Variants in ZSCAN31 observed in about 807,000 individuals in gnomAD.
The protein encoded by ZSCAN31 is zinc finger and SCAN domain-containing protein 31.
Under a neutral mutation model 22.5 loss-of-function variants are expected in ZSCAN31, and 14 were observed. The ratio of observed to expected loss-of-function variants is 0.62; its 90% confidence interval spans 0.41 to 0.97. ZSCAN31 has a LOEUF of 0.97. ZSCAN31 is among the 50% of genes least tolerant of loss of function. The pLI, the probability that ZSCAN31 is intolerant of heterozygous loss-of-function variation, is 0.00. For synonymous variants in ZSCAN31, 168 were observed against 169.8 expected, an observed-to-expected ratio of 0.99 and a Z score of 0.08; for missense variants, 424 against 483.4, an observed-to-expected ratio of 0.88 and a Z score of 1.15.
intron 2 of ZSCAN31, among the ~76,000 whole-genome samples, chr6:28,346,342 C>CTTT (rs5875155): frequency 9.7e-4 from 85 of 87,768 alleles, no homozygotes; most frequent in Admixed American, 2.1e-3. Context: ...TCAGTACAAT[C>CTTT]TTTTTTTTTT....
intron 2 of ZSCAN31, 94 bp from the exon 3 acceptor site, chr6:28,327,627 A>C (rs1021027323): frequency 1.7e-5 from 24 of 1,380,214 alleles, no homozygotes; most frequent in Non-Finnish European, 2.1e-5. Flanking sequence ...TATATGAAAC[A>C]TTTTCTAGAG....
At chr6:28,339,263 C>A (rs1245939148), upstream of ZSCAN31, among the ~76,000 whole-genome samples, 1 of 151,970 alleles carries the variant, frequency 6.6e-6, no homozygotes, top group East Asian at 1.9e-4. Context: ...ATTTTATTAT[C>A]TTTATTTCTT....
chr6:28,337,103 G>A (rs1419557444), upstream of ZSCAN31, among the ~76,000 whole-genome samples: 1 of 152,214 alleles, frequency 6.6e-6, no homozygotes, highest in Non-Finnish European at 1.5e-5. Context: ...AATTCGTGGC[G>A]TGGAAGAGAG....
intron 2 of ZSCAN31, among the ~76,000 whole-genome samples, chr6:28,328,565 C>A (rs1249139798): frequency 6.6e-6 from 1 of 152,142 alleles, no homozygotes; most frequent in African/African-American, 2.4e-5. Flanking sequence ...TGCTGTTATC[C>A]TGTTCTTTTT....
chr6:28,352,781 C>G (rs1382406442), intron 2 of ZSCAN31, among the ~76,000 whole-genome samples: 1 of 152,042 alleles, frequency 6.6e-6, no homozygotes, highest in Admixed American at 6.6e-5. Context: ...GAAGTATTTT[C>G]TGGTACTTTT....
chr6:28,345,677 T>C (rs1460263039), intron 2 of ZSCAN31, among the ~76,000 whole-genome samples: 1 of 152,208 alleles, frequency 6.6e-6, no homozygotes, highest in Non-Finnish European at 1.5e-5. Context: ...ACAGAATCAT[T>C]GATCCACTGA....
At position 28,326,219 on chromosome 6, in the gene ZSCAN31, TACTAAAGAGTTTACTGC is replaced by T; in HGVS notation, c.1151_1167del (p.Cys384Ter). ...TGATGTTTCTTAAGAAGTGTCCGCT[TACTAAAGAGTTTACTGC>T]ACTGACTGCACTGATAGGGTTTCTC... On this transcript the variant is annotated frameshift_variant, in exon 4 of 4. Coordinates refer to ENST00000344279, the MANE Select transcript of ZSCAN31 (RefSeq NM_030899.5). LOFTEE classifies it low-confidence loss of function (END_TRUNC). 6.2e-7 allele frequency: 1 copy of T among 1,613,834 alleles called. No individual in the cohort carries two copies. Among genetic ancestry groups the T allele is most frequent in the Non-Finnish European group, 8.5e-7 (1 of 1,179,828 alleles).
At chr6:28,339,594 A>G (rs533431669), upstream of ZSCAN31, among the ~76,000 whole-genome samples, 2 of 152,302 alleles carry the variant, frequency 1.3e-5, no homozygotes, top group Admixed American at 1.3e-4. Context: ...AGCCTCCATT[A>G]ATTTTTAAAT....
chr6:28,327,833 A>G (rs137869006), intron 2 of ZSCAN31, among the ~76,000 whole-genome samples: 1 of 152,276 alleles, frequency 6.6e-6, no homozygotes, highest in African/African-American at 2.4e-5. Context: ...GAGATGGTAT[A>G]TAACTTCTGA....
At chr6:28,348,571 C>T (rs1349744574) in intron 2 of ZSCAN31, among the ~76,000 whole-genome samples, 1 of 152,088 alleles carries the variant, frequency 6.6e-6, no homozygotes. Flanking sequence ...GTTGCTCAGT[C>T]CTCAGTTCTG....
At chr6:28,330,467 G>A (rs1397732074) in intron 1 of ZSCAN31, among the ~76,000 whole-genome samples, 1 of 152,230 alleles carries the variant, frequency 6.6e-6, no homozygotes, top group East Asian at 1.9e-4. Context: ...TTAGGTAACT[G>A]TGGAATTACA....
intron 2 of ZSCAN31, among the ~76,000 whole-genome samples, chr6:28,328,579 A>T (rs1485874490): frequency 6.6e-6 from 1 of 152,178 alleles, no homozygotes; most frequent in Non-Finnish European, 1.5e-5. Context: ...TCTTTTTTCA[A>T]GGTGCCCACA....
chr6:28,352,464 G>A (rs2113889754), intron 2 of ZSCAN31, among the ~76,000 whole-genome samples: 1 of 152,174 alleles, frequency 6.6e-6, no homozygotes, highest in Non-Finnish European at 1.5e-5. Context: ...TATGGGCCAG[G>A]CTGTTCTTGA....
chr6:28,352,634 T>G (rs1022285458), intron 2 of ZSCAN31, among the ~76,000 whole-genome samples: 1 of 152,250 alleles, frequency 6.6e-6, no homozygotes, highest in Non-Finnish European at 1.5e-5. Context: ...TGAAAGCCTT[T>G]AATGTAATTT....
upstream of ZSCAN31, chr6:28,355,911 G>A (rs942607161): frequency 6.6e-6 from 1 of 152,186 alleles, no homozygotes; most frequent in African/African-American, 2.4e-5. Context: ...CATGATAGAC[G>A]GCACAGCTGC....
chr6:28,329,452 T>C lies in ZSCAN31; in HGVS notation c.232A>G (p.Ile78Val), dbSNP rs1763571261. The C allele has an allele frequency of 1.9e-6, 3 of 1,613,960 alleles. No individual in the cohort carries two copies. Among genetic ancestry groups the C allele is most frequent in the Non-Finnish European group, 2.5e-6 (3 of 1,180,028 alleles). ...LRPEIHTKEQ[I>V]LELLVLEQFL... ...TGCTCCAGCACCAGCAGCTCCAAGA[T>C]TTGCTCTTTGGTGTGGATTTCTGGC... Residue 78 changes from isoleucine (I) to valine (V), a missense_variant, in exon 2 of 4, where the codon ATC becomes GTC. Ile to Val is a conservative substitution (Grantham distance 29). Transcript: ENST00000344279.
rs1410078283 is a variant in ZSCAN31 at position 28,333,567 on chromosome 6, G to A, written c.-96+2515C>T. On this transcript the variant is annotated intron_variant, in intron 1 of 3. Transcript: ENST00000344279. The surrounding 1 kb of genome is among the most constrained non-coding windows in gnomAD (Gnocchi z 4.1). ...ATAAATGGACAGCCTATTTAGATGG[G>A]GTAGTGGGAAGTGAGGTAACATTTA... is the stretch of plus-strand genomic sequence containing the variant. Among the ~76,000 whole-genome samples, 3 of 152,180 alleles carry A rather than the reference G, an allele frequency of 2.0e-5. No homozygotes were observed. Among genetic ancestry groups the A allele is most frequent in the Non-Finnish European group, 4.4e-5 (3 of 68,042 alleles).
At chr6:28,340,778 C>G (rs1352522303), upstream of ZSCAN31, among the ~76,000 whole-genome samples, 1 of 152,150 alleles carries the variant, frequency 6.6e-6, no homozygotes, top group Non-Finnish European at 1.5e-5. Flanking sequence ...AACTAAAAAG[C>G]AAGGCTTTTA....
At chr6:28,330,334 A>G (rs907576101) in intron 1 of ZSCAN31, among the ~76,000 whole-genome samples, 8 of 152,216 alleles carry the variant, frequency 5.3e-5, no homozygotes, top group African/African-American at 1.9e-4. Flanking sequence ...TGTGCCCCAT[A>G]TACTTATGTG....
Sources: gnomAD v4.1 joint callset for allele counts (sites outside exome capture counted in the v4.1 genomes callset) on GRCh38, gnomAD v4.1.1 for gene constraint, Gnocchi (gnomAD v3.1) non-coding constraint, MANE v1.5 for transcripts, NCBI Gene and HGNC (gene_info 2026-07-23, HGNC 2026-07-21) for gene names.